MSRA: variants seen among roughly 807,000 people sequenced by gnomAD.
MSRA encodes methionine sulfoxide reductase A.
A neutral mutation model predicts 31.3 loss-of-function variants in MSRA; 54 were observed. That is an observed-to-expected ratio of 1.73 (90% confidence interval 1.39 to 2.17). The LOEUF (loss-of-function observed/expected upper bound fraction) is 2.17, where lower values mean the gene tolerates loss of function less well. MSRA is among the 30% of genes most tolerant of loss of function. The pLI is 0.00. For synonymous variants in MSRA, 169 were observed against 116.5 expected, an observed-to-expected ratio of 1.45 and a Z score of -2.90; for missense variants, 507 against 300.9, an observed-to-expected ratio of 1.69 and a Z score of -5.07.
At chr8:10,405,341 C>T (rs1298797228) in intron 5 of MSRA, among the ~76,000 whole-genome samples, 1 of 152,142 alleles carries the variant, frequency 6.6e-6, no homozygotes, top group East Asian at 1.9e-4. Flanking sequence ...CATGTTTGGG[C>T]AGCTCATTCC....
intron 2 of MSRA, among the ~76,000 whole-genome samples, chr8:10,229,628 C>T (rs568672106): frequency 2.0e-5 from 3 of 152,134 alleles, no homozygotes; most frequent in East Asian, 3.9e-4. Context: ...TGGACACGAA[C>T]GCTTACTGAG....
At chr8:10,366,168 G>C (rs1192745874) in intron 5 of MSRA, among the ~76,000 whole-genome samples, 1 of 152,258 alleles carries the variant, frequency 6.6e-6, no homozygotes. Context: ...GCTCGGAGGA[G>C]ACTGATTTTT....
intron 1 of MSRA, among the ~76,000 whole-genome samples, chr8:10,197,758 G>A (rs1346116361): frequency 6.6e-6 from 1 of 152,158 alleles, no homozygotes; most frequent in Non-Finnish European, 1.5e-5. Context: ...CAGGGACAGT[G>A]ACTTGGCCCT....
chr8:10,212,839 T>TA lies in MSRA; in HGVS notation c.211+4945dup, dbSNP rs570700126. ...CTTTGTTTTGGAACACTGAAACATT[T>TA]AAAAAAACATTCTGCTAAGTCAAAA... On this transcript the variant is annotated intron_variant, in intron 2 of 5. Coordinates refer to ENST00000317173, the MANE Select transcript of MSRA (RefSeq NM_012331.5). Among the ~76,000 whole-genome samples the TA allele has an allele frequency of 4.3e-4, 66 of 152,280 alleles. No individual in the cohort carries two copies. The East Asian group carries it at 6.6e-3, about 15-fold the overall frequency.
At chr8:10,309,364 C>A (rs1801310623) in intron 4 of MSRA, among the ~76,000 whole-genome samples, 2 of 152,222 alleles carry the variant, frequency 1.3e-5, no homozygotes, top group South Asian at 4.1e-4. Context: ...TAAGCGCTGG[C>A]TCTAATAGCT....
At chr8:10,137,214 A>G (rs1044558333) in intron 1 of MSRA, among the ~76,000 whole-genome samples, 2 of 152,184 alleles carry the variant, frequency 1.3e-5, no homozygotes, top group Non-Finnish European at 2.9e-5. Context: ...GTTTTCAAAA[A>G]TAGCATTTCT....
At position 10,113,289 on chromosome 8, in the gene MSRA, CTTCTTTTTTTTTT is replaced by C. The variant is rs1306989379; in HGVS notation, c.142+58634_142+58646del. Reference sequence around the variant, plus strand: ...AGGCATGGCTTTGGTGAAGACAGGTCTTCTTTTTTTTTTTTTTTTTTTTTTGGAGGTGTGTGTT... The same window carrying C: ...AGGCATGGCTTTGGTGAAGACAGGTCTTTTTTTTTTTTGGAGGTGTGTGTT... On this transcript the variant is annotated intron_variant, in intron 1 of 5. Transcript: ENST00000317173. Among the ~76,000 whole-genome samples, 53 of 50,908 alleles carry C rather than the reference CTTCTTTTTTTTTT, an allele frequency of 1.0e-3. 7 individuals carry two copies. The South Asian group carries it at 0.018, about 17-fold the overall frequency. 33.4% of individuals were successfully genotyped at this position (50,908 alleles called of 152,430 possible).
chr8:10,244,207 G>A (rs901447306), intron 2 of MSRA, among the ~76,000 whole-genome samples: 6 of 152,182 alleles, frequency 3.9e-5, no homozygotes, highest in South Asian at 2.1e-4. Flanking sequence ...TTTGAGTGAG[G>A]CAGTAATCTT....
At chr8:10,119,031 G>A (rs778106681) in intron 1 of MSRA, among the ~76,000 whole-genome samples, 1 of 152,124 alleles carries the variant, frequency 6.6e-6, no homozygotes, top group Non-Finnish European at 1.5e-5. Context: ...ACCCCTCCCC[G>A]CCTTCCCTGG....
intron 1 of MSRA, among the ~76,000 whole-genome samples, chr8:10,061,595 G>C (rs996077204): frequency 6.6e-6 from 1 of 152,092 alleles, no homozygotes; most frequent in Non-Finnish European, 1.5e-5. Context: ...TGCCCACCAA[G>C]AACTCACAGC....
At chr8:10,309,284 G>A (rs1218357241) in intron 4 of MSRA, among the ~76,000 whole-genome samples, 2 of 152,250 alleles carry the variant, frequency 1.3e-5, no homozygotes, top group Non-Finnish European at 2.9e-5. Flanking sequence ...GTAATAGTTT[G>A]TGCCTTCTCA....
At chr8:10,080,305 T>C (rs1218060176) in intron 1 of MSRA, among the ~76,000 whole-genome samples, 2 of 152,042 alleles carry the variant, frequency 1.3e-5, no homozygotes, top group South Asian at 4.2e-4. Context: ...TTCTTGCAGA[T>C]TTTTTTTAAA....
intron 5 of MSRA, among the ~76,000 whole-genome samples, chr8:10,378,311 T>A (rs1245341423): frequency 1.3e-5 from 2 of 152,136 alleles, no homozygotes; most frequent in African/African-American, 4.8e-5. Flanking sequence ...AGGGAAAAGC[T>A]GTTGCCCAGT....
rs150017747 is a variant in MSRA at position 10,195,994 on chromosome 8, G to T, written c.143-11839G>T. ...GGAACAGATTGGAAGGGGAGGTGTG[G>T]GCCCATCAGGCTCAGCTGACCATTA... On this transcript the variant is annotated intron_variant, in intron 1 of 5. Coordinates refer to ENST00000317173, the MANE Select transcript of MSRA (RefSeq NM_012331.5). Among the ~76,000 whole-genome samples the T allele has an allele frequency of 1.3e-3, 192 of 152,236 alleles. 1 individual carries two copies. Among genetic ancestry groups the T allele is most frequent in the African/African-American group, 4.3e-3 (179 of 41,536 alleles).
chr8:10,077,865 G>T (rs927995841), intron 1 of MSRA, among the ~76,000 whole-genome samples: 2 of 152,122 alleles, frequency 1.3e-5, no homozygotes, highest in African/African-American at 4.8e-5. Context: ...CCGGCCATGT[G>T]TTAGCTGTCT....
intron 1 of MSRA, among the ~76,000 whole-genome samples, chr8:10,207,541 G>C (rs915653594): frequency 6.6e-6 from 1 of 152,140 alleles, no homozygotes; most frequent in Non-Finnish European, 1.5e-5. Context: ...ACTCTGGCTG[G>C]GTGTCGGGAG....
At chr8:10,167,193 C>T (rs867855672) in intron 1 of MSRA, among the ~76,000 whole-genome samples, 4 of 152,188 alleles carry the variant, frequency 2.6e-5, no homozygotes, top group Non-Finnish European at 4.4e-5. Flanking sequence ...GCTTGACTAA[C>T]GTGGCCGGGC....
intron 5 of MSRA, among the ~76,000 whole-genome samples, chr8:10,324,621 C>T (rs145381992): frequency 4.9e-4 from 75 of 152,260 alleles, no homozygotes; most frequent in African/African-American, 1.5e-3. Context: ...GCCTAGGTGA[C>T]CACTGTGATT....
intron 2 of MSRA, among the ~76,000 whole-genome samples, chr8:10,211,952 A>G (rs1342426914): frequency 6.6e-6 from 1 of 152,134 alleles, no homozygotes; most frequent in African/African-American, 2.4e-5. Flanking sequence ...TTACTAATTT[A>G]AAAGGGTGGA....
Sources: gnomAD v4.1 joint callset for allele counts (sites outside exome capture counted in the v4.1 genomes callset) on GRCh38, gnomAD v4.1.1 for gene constraint, MANE v1.5 for transcripts, NCBI Gene and HGNC (gene_info 2026-07-23, HGNC 2026-07-21) for gene names.